UPF3A: variants seen among roughly 807,000 people sequenced by gnomAD.
UPF3A encodes the protein UPF3A regulator of nonsense mediated mRNA decay.
Under a neutral mutation model 53.5 loss-of-function variants are expected in UPF3A, and 42 were observed. The observed-to-expected ratio is 0.78, with a 90% CI of 0.61 to 1.01. UPF3A has a LOEUF of 1.01. Among genes scored for constraint, UPF3A ranks in the 50% least tolerant of loss-of-function variants. UPF3A has a pLI of 0.00. For synonymous variants in UPF3A, 237 were observed against 225.3 expected, an observed-to-expected ratio of 1.05 and a Z score of -0.47; for missense variants, 575 against 598.0, an observed-to-expected ratio of 0.96 and a Z score of 0.40.
intron 3 of UPF3A, among the ~76,000 whole-genome samples, chr13:114,284,885 T>C (rs1167827238): frequency 3.9e-5 from 6 of 152,196 alleles, no homozygotes; most frequent in Non-Finnish European, 1.5e-5. Flanking sequence ...ACTCCTGAGC[T>C]CAAGCGATTC....
At chr13:114,290,795 G>A (rs898297618) in intron 5 of UPF3A, among the ~76,000 whole-genome samples, 2 of 149,504 alleles carry the variant, frequency 1.3e-5, no homozygotes, top group Non-Finnish European at 1.5e-5. Flanking sequence ...GTGCAGTGGC[G>A]CAATCTCGGC....
chr13:114,299,808 TG>T (rs900427046), intron 8 of UPF3A, among the ~76,000 whole-genome samples: 2 of 152,216 alleles, frequency 1.3e-5, no homozygotes, highest in South Asian at 2.1e-4. Context: ...CACAGTCTCC[TG>T]GTGCCCAGGG....
At chr13:114,284,879 C>T (rs2084517067) in intron 3 of UPF3A, among the ~76,000 whole-genome samples, 1 of 152,196 alleles carries the variant, frequency 6.6e-6, no homozygotes, top group Non-Finnish European at 1.5e-5. Flanking sequence ...TGTCAAACTC[C>T]TGAGCTCAAG....
chr13:114,286,192 A>G, intron 3 of UPF3A, 110 bp from the exon 4 acceptor site: 1 of 1,296,958 alleles, frequency 7.7e-7, no homozygotes, highest in Non-Finnish European at 1.1e-6. Flanking sequence ...AAATAGTAAT[A>G]ATGCATTGTC....
At chr13:114,288,767 C>T (rs2084986251) in intron 5 of UPF3A, among the ~76,000 whole-genome samples, 1 of 152,052 alleles carries the variant, frequency 6.6e-6, no homozygotes, top group Admixed American at 6.6e-5. Context: ...GACTCCAGTG[C>T]TTGGCTTGAA....
Position 114,304,816 on chromosome 13 carries a change from C to G in UPF3A, c.1330C>G (p.Pro444Ala). The stretch of plus-strand genomic sequence containing the variant: ...CCGGCCAGCCTTGCAGCTGTATGAT[C>G]CAGGAGCTCGCTTCCGAGCGCGAGA... The part of the protein sequence containing the change: ...KDRPALQLYD[P>A]GARFRARECG... The change falls in exon 10 of 10, where the codon CCA (proline) becomes GCA (alanine). Residue 444 changes from proline to alanine, a missense_variant. Around this residue, in one of 2 missense-constraint regions of UPF3A, gnomAD observed 323 missense variants for 415.2 expected, o/e 0.78. Coordinates refer to ENST00000375299, the MANE Select transcript of UPF3A (RefSeq NM_023011.4). 2.5e-6 allele frequency: 4 copies of G among 1,613,772 alleles called. No individual in the cohort carries two copies. In the East Asian group the frequency reaches 6.7e-5, roughly 27 times the overall value.
At chr13:114,287,405 C>CAT (rs1414387488) in intron 5 of UPF3A, 2 of 152,250 alleles carry the variant, frequency 1.3e-5, no homozygotes, top group Non-Finnish European at 2.9e-5. Flanking sequence ...GCCTGGCCGA[C>CAT]ATGGTGAAAC....
At chr13:114,296,896 C>T (rs1355396171) in intron 7 of UPF3A, among the ~76,000 whole-genome samples, 1 of 152,172 alleles carries the variant, frequency 6.6e-6, no homozygotes, top group Non-Finnish European at 1.5e-5. Context: ...TGGAGATTTG[C>T]ACTTCCTATG....
chr13:114,283,922 T>C, intron 3 of UPF3A: 5 of 985,420 alleles, frequency 5.1e-6, no homozygotes, highest in Non-Finnish European at 6.0e-6. Flanking sequence ...TTTTCTCCAA[T>C]GAGGGGTAAG....
Position 114,286,242 on chromosome 13 carries a change from T to A in UPF3A, c.422-60T>A. The A allele has an allele frequency of 3.8e-6, 6 of 1,599,578 alleles. 1 individual carries two copies. In the South Asian group the frequency reaches 6.7e-5, roughly 18 times the overall value. ...TCTTTAAGTAAGTTAGGTCATTATT[T>A]TCCGAAATGAATGTAGTAGAATTTC... On this transcript the variant is annotated intron_variant, in intron 3 of 9. Coordinates refer to ENST00000375299, the MANE Select transcript of UPF3A (RefSeq NM_023011.4).
At chr13:114,289,957 G>A (rs746516640) in intron 5 of UPF3A, among the ~76,000 whole-genome samples, 3 of 152,264 alleles carry the variant, frequency 2.0e-5, no homozygotes, top group South Asian at 4.2e-4. Flanking sequence ...AGGTGGTCTC[G>A]CCCGGCTCCT....
In UPF3A at chr13:114,288,272, A is replaced by G. The variant is rs1452529825; in HGVS notation, c.631+1643A>G. ...AAGCAGGAGCAGGAATAGTCCAACC[A>G]GGGCACCTCAGTGTGTAATCACTGC... is the stretch of plus-strand genomic sequence containing the variant. On this transcript the variant is annotated intron_variant, in intron 5 of 9. Transcript: ENST00000375299. Among the ~76,000 whole-genome samples, 3 of 152,350 alleles carry G rather than the reference A, an allele frequency of 2.0e-5. No individual in the cohort carries two copies. The East Asian group carries it at 5.8e-4, about 29-fold the overall frequency.
chr13:114,293,328 G>A (rs932261487), intron 7 of UPF3A, among the ~76,000 whole-genome samples: 2 of 151,382 alleles, frequency 1.3e-5, no homozygotes, highest in Non-Finnish European at 2.9e-5. Context: ...AGGTTGCAGC[G>A]AGCCGGGATC....
At chr13:114,300,521 A>G (rs1404976329) in intron 8 of UPF3A, among the ~76,000 whole-genome samples, 21 of 149,258 alleles carry the variant, frequency 1.4e-4, no homozygotes, top group African/African-American at 5.2e-4. Flanking sequence ...GGCACCCGCC[A>G]CCATGCCTGG....
rs1220955385 is a variant in UPF3A, at chr13:114,281,737, T to C, written c.98T>C (p.Phe33Ser). The C allele has an allele frequency of 1.9e-6, 3 of 1,557,634 alleles. No homozygotes were observed. Among genetic ancestry groups the C allele is most frequent in the Non-Finnish European group, 1.7e-6 (2 of 1,151,904 alleles). ...AAGCTGTCGGCCCTAGAAGTGCAGT[T>C]CCACCGCGACTCGCAGCAGCAGGAG... ...REKLSALEVQ[F>S]HRDSQQQEAE... The change falls in exon 1 of 10, where the codon TTC becomes TCC. Residue 33 changes from phenylalanine to serine, a missense_variant. This residue lies in a region of UPF3A where 252 missense variants were observed against 182.7 expected (regional missense o/e 1.38). Transcript: ENST00000375299.
At chr13:114,283,694 G>A (rs569812984) in intron 3 of UPF3A, 7 of 919,764 alleles carry the variant, frequency 7.6e-6, no homozygotes, top group African/African-American at 1.8e-5. Context: ...CTTTGCCTGC[G>A]GAGACAGCAG....
At chr13:114,302,892 AG>A (rs2086719078) in intron 9 of UPF3A, among the ~76,000 whole-genome samples, 1 of 152,162 alleles carries the variant, frequency 6.6e-6, no homozygotes, top group Admixed American at 6.5e-5. Flanking sequence ...ACCTGAGGTC[AG>A]GAGTTCGAGA....
intron 5 of UPF3A, 34 bp downstream of exon 5, chr13:114,286,663 T>A (rs911205240): frequency 1.3e-6 from 2 of 1,535,370 alleles, no homozygotes; most frequent in Non-Finnish European, 1.8e-6. Flanking sequence ...TTTTCTTTAT[T>A]GAGAGATTTA....
intron 8 of UPF3A, among the ~76,000 whole-genome samples, chr13:114,300,075 A>G (rs928344681): frequency 6.6e-6 from 1 of 152,204 alleles, no homozygotes; most frequent in Admixed American, 6.5e-5. Context: ...ACAGTTGATG[A>G]CACAGCAGGA....
Sources: allele counts gnomAD v4.1 joint callset (sites outside exome capture counted in the v4.1 genomes callset), GRCh38; gene constraint gnomAD v4.1.1; regional missense constraint gnomAD v4.1.1; transcripts MANE v1.5; gene names NCBI Gene and HGNC (gene_info 2026-07-23, HGNC 2026-07-21).